Variants in WWC2 observed in about 807,000 individuals in gnomAD.
The protein encoded by WWC2 is protein WWC2.
In WWC2, 101 loss-of-function variants were observed where a neutral mutation model predicts 138.5. That is an observed-to-expected ratio of 0.73 (90% confidence interval 0.62 to 0.86). The LOEUF (loss-of-function observed/expected upper bound fraction) is 0.86. WWC2 is among the 40% of genes least tolerant of loss of function. The pLI is 0.00. For missense variants in WWC2, 1,420 were observed against 1,419.4 expected, an observed-to-expected ratio of 1.00 and a Z score of -0.01; for synonymous variants, 558 against 538.4, an observed-to-expected ratio of 1.04 and a Z score of -0.50.
intron 4 of WWC2, among the ~76,000 whole-genome samples, chr4:183,235,298 G>A (rs73870380): frequency 0.067 from 10,198 of 152,176 alleles, 1,140 homozygotes; most frequent in African/African-American, 0.23. Context: ...CTAAACAGAG[G>A]AGAGTCCAAC....
At chr4:183,276,903 A>C (rs377131384) in intron 16 of WWC2, among the ~76,000 whole-genome samples, 3 of 152,066 alleles carry the variant, frequency 2.0e-5, no homozygotes, top group South Asian at 4.2e-4. Context: ...ATTGTCATCT[A>C]GCTTCCATTG....
chr4:183,170,830 C>T (rs1265868260), intron 1 of WWC2, among the ~76,000 whole-genome samples: 2 of 133,442 alleles, frequency 1.5e-5, no homozygotes, highest in Admixed American at 1.7e-4. Flanking sequence ...GTAGCTGGGA[C>T]TACACTAGCT....
chr4:183,162,073 G>A (rs1173550174), intron 1 of WWC2, among the ~76,000 whole-genome samples: 1 of 152,146 alleles, frequency 6.6e-6, no homozygotes, highest in Non-Finnish European at 1.5e-5. Flanking sequence ...AAAAATTGTT[G>A]ATAGTGAATC....
intron 4 of WWC2, among the ~76,000 whole-genome samples, chr4:183,228,134 C>A (rs1402281620): frequency 6.6e-6 from 1 of 151,932 alleles, no homozygotes; most frequent in Non-Finnish European, 1.5e-5. Context: ...ATATACCAAT[C>A]AAATCCTAAC....
intron 1 of WWC2, among the ~76,000 whole-genome samples, chr4:183,151,287 CA>C (rs1312525410): frequency 2.0e-5 from 3 of 152,136 alleles, no homozygotes; most frequent in African/African-American, 7.2e-5. Flanking sequence ...CTCTGATGGC[CA>C]GTGATGATGA....
chr4:183,232,799 C>T (rs1736290936), intron 4 of WWC2, among the ~76,000 whole-genome samples: 1 of 152,072 alleles, frequency 6.6e-6, no homozygotes, highest in African/African-American at 2.4e-5. Context: ...AGGCGCATGC[C>T]ACCACACCCA....
chr4:183,251,832 ATTAAGTAAAGAGGCAGG>A (rs1372187976), intron 8 of WWC2, among the ~76,000 whole-genome samples: 3 of 151,848 alleles, frequency 2.0e-5, no homozygotes, highest in Non-Finnish European at 2.9e-5. Flanking sequence ...CTCAATTCTG[ATTAAGTAAAGAGGCAGG>A]TTGTGTTTCT....
At chr4:183,103,591 G>T (rs1743252078) in intron 1 of WWC2, among the ~76,000 whole-genome samples, 1 of 150,660 alleles carries the variant, frequency 6.6e-6, no homozygotes, top group African/African-American at 2.4e-5. Flanking sequence ...GCCTCCCAAA[G>T]TGCTGGGATT....
chr4:183,142,164 A>T lies in WWC2; in HGVS notation c.131+42542A>T, dbSNP rs78902034. Among the ~76,000 whole-genome samples the T allele has an allele frequency of 6.1e-3, 932 of 152,348 alleles. 14 individuals are homozygous for T. Among genetic ancestry groups the T allele is most frequent in the African/African-American group, 0.021 (873 of 41,582 alleles). On this transcript the variant is annotated intron_variant, in intron 1 of 22. Coordinates refer to ENST00000403733, the MANE Select transcript of WWC2 (RefSeq NM_024949.6). ...GACAGAGGGATGAAATACCAAATAC[A>T]GAGGCCCCATACCTGGGATATTCTT...
rs190313765 is a variant in WWC2 at position 183,141,885 on chromosome 4, G to A, written c.131+42263G>A. 1.4e-3 allele frequency among the ~76,000 whole-genome samples: 206 copies of A among 152,292 alleles called. 1 individual carries two copies. The highest frequency in any genetic ancestry group is 4.8e-3 in the African/African-American group (200 of 41,568). On this transcript the variant is annotated intron_variant, in intron 1 of 22. Transcript: ENST00000403733. Reference sequence around the variant, plus strand: ...TATGCTAGGCACTGCTTGTAGCCATGAATACTACAGCAAAAAGCTTAGCAG... The same window carrying A: ...TATGCTAGGCACTGCTTGTAGCCATAAATACTACAGCAAAAAGCTTAGCAG...
Position 183,289,466 on chromosome 4 carries a change from A to T in WWC2, c.3215A>T (p.Asp1072Val), listed in dbSNP as rs1349765808. Residue 1072 changes from aspartate (D) to valine (V), a missense_variant, in exon 21 of 23, where the codon GAC (aspartate) becomes GTC (valine). Asp to Val is a radical substitution (Grantham distance 152, BLOSUM62 -3). Coordinates refer to ENST00000403733, the MANE Select transcript of WWC2 (RefSeq NM_024949.6). ...PVRTSLDLEL[D>V]LQASLTRQSR... ...CGGACATCTCTAGACTTAGAACTGG[A>T]CCTTCAGGCATCTCTGACCCGGCAG... is the stretch of plus-strand genomic sequence containing the variant. 1 of 1,613,426 alleles carries T rather than the reference A, an allele frequency of 6.2e-7. No individual in the cohort carries two copies. The highest frequency in any genetic ancestry group is 8.5e-7 in the Non-Finnish European group (1 of 1,179,646).
intron 1 of WWC2, among the ~76,000 whole-genome samples, chr4:183,163,003 A>G (rs1329742873): frequency 3.3e-5 from 5 of 152,186 alleles, no homozygotes; most frequent in Non-Finnish European, 7.4e-5. Context: ...GAGCCCTTTT[A>G]CATGAGTGCC....
chr4:183,278,610 G>A (rs1213082597), intron 16 of WWC2, among the ~76,000 whole-genome samples: 1 of 151,870 alleles, frequency 6.6e-6, no homozygotes, highest in Non-Finnish European at 1.5e-5. Context: ...CTACCCATGA[G>A]CATGGAATGT....
At chr4:183,306,881 C>CAAAAA (rs55750701) in intron 21 of WWC2, among the ~76,000 whole-genome samples, 8 of 85,114 alleles carry the variant, frequency 9.4e-5, no homozygotes, top group Admixed American at 1.4e-4. Flanking sequence ...ATATATGAGG[C>CAAAAA]AAAAAAAAAA....
intron 21 of WWC2, among the ~76,000 whole-genome samples, chr4:183,300,707 T>C (rs1484526051): frequency 1.3e-5 from 2 of 151,372 alleles, no homozygotes; most frequent in East Asian, 1.9e-4. Flanking sequence ...AGTATATTCT[T>C]ACTCAGCAGG....
intron 22 of WWC2, among the ~76,000 whole-genome samples, chr4:183,315,023 C>G (rs1007032323): frequency 1.3e-5 from 2 of 152,242 alleles, no homozygotes; most frequent in African/African-American, 4.8e-5. Flanking sequence ...TCAAGAAATA[C>G]GTGCTGACGG....
intron 21 of WWC2, among the ~76,000 whole-genome samples, chr4:183,297,023 G>A (rs887555472): frequency 2.6e-5 from 4 of 151,206 alleles, no homozygotes; most frequent in African/African-American, 9.8e-5. Flanking sequence ...TACCTAGGCT[G>A]GAGTGCAGTG....
intron 1 of WWC2, among the ~76,000 whole-genome samples, chr4:183,123,977 C>T (rs909656438): frequency 2.0e-5 from 3 of 152,042 alleles, no homozygotes; most frequent in East Asian, 1.9e-4. Context: ...TAAAAAAATT[C>T]GGAACGTTCA....
intron 1 of WWC2, among the ~76,000 whole-genome samples, chr4:183,114,007 A>C (rs1336158338): frequency 6.6e-6 from 1 of 152,170 alleles, no homozygotes; most frequent in Non-Finnish European, 1.5e-5. Context: ...GTTGGTATCC[A>C]TTTGGATTGC....
Sources: gnomAD v4.1 joint callset for allele counts (sites outside exome capture counted in the v4.1 genomes callset) on GRCh38, gnomAD v4.1.1 for gene constraint, MANE v1.5 for transcripts, NCBI Gene and HGNC (gene_info 2026-07-23, HGNC 2026-07-21) for gene names.